ATP6V1B1: variants seen among roughly 807,000 people sequenced by gnomAD.
The protein encoded by ATP6V1B1 is ATPase H+ transporting V1 subunit B1.
Under a neutral mutation model 62.1 loss-of-function variants are expected in ATP6V1B1, and 41 were observed. The observed-to-expected ratio is 0.66, with a 90% CI of 0.51 to 0.86. The LOEUF (loss-of-function observed/expected upper bound fraction) is 0.86. Ranked by LOEUF, ATP6V1B1 falls within the 40% of genes least tolerant of loss-of-function variation. The pLI is 0.00. For missense variants in ATP6V1B1, 651 were observed against 697.5 expected, an observed-to-expected ratio of 0.93 and a Z score of 0.75; for synonymous variants, 253 against 273.4, an observed-to-expected ratio of 0.93 and a Z score of 0.74.
rs1309432305 is a variant in ATP6V1B1 at position 70,941,904 on chromosome 2, C to G, written c.119-1754C>G. On this transcript the variant is annotated intron_variant, in intron 1 of 13. Coordinates refer to ENST00000234396, the MANE Select transcript of ATP6V1B1 (RefSeq NM_001692.4). ...GCACCCAGGCTCTGAGTGTAGCCATCGGAGGCCACTGAAGCCAGAGTGGAG... is the reference window on the plus strand; with the variant it reads ...GCACCCAGGCTCTGAGTGTAGCCATGGGAGGCCACTGAAGCCAGAGTGGAG... 3.0e-6 allele frequency: 3 copies of G among 988,236 alleles called. No homozygotes were observed. The African/African-American group carries it at 5.2e-5, about 17-fold the overall frequency. The allele number at this position is 988,236 out of a possible 1,614,324, so 61.2% of individuals were successfully genotyped here.
chr2:70,940,678 T>C lies in ATP6V1B1; in HGVS notation c.119-2980T>C. ...CAGCCCCTTAGCCCAGTACATCCTCTTTCTCTTCTACTCTCTGCCTTCTCA... is the reference window on the plus strand; with the variant it reads ...CAGCCCCTTAGCCCAGTACATCCTCCTTCTCTTCTACTCTCTGCCTTCTCA... On this transcript the variant is annotated intron_variant, in intron 1 of 13. Coordinates refer to ENST00000234396, the MANE Select transcript of ATP6V1B1 (RefSeq NM_001692.4). 4.1e-6 allele frequency: 4 copies of C among 985,412 alleles called. No individual in the cohort carries two copies. The South Asian group carries it at 1.9e-4, about 46-fold the overall frequency. 61.0% of individuals were successfully genotyped at this position (985,412 alleles called of 1,614,324 possible).
At chr2:70,939,397 T>G (rs1332348208) in intron 1 of ATP6V1B1, 2 of 152,390 alleles carry the variant, frequency 1.3e-5, no homozygotes, top group Non-Finnish European at 2.9e-5. Flanking sequence ...CCTGTGGCAA[T>G]GCACCCGCTT....
chr2:70,964,429 C>T lies in ATP6V1B1; in HGVS notation c.1144-9C>T, dbSNP rs1680666858. On this transcript the variant is annotated splice_polypyrimidine_tract_variant and intron_variant, in intron 11 of 13. Transcript: ENST00000234396. Reference sequence around the variant, plus strand: ...TGCTGTCCACCACTCCCTTTTTCTTCTCCCTCAGATCTACCCCCCCATCAA... The same window carrying T: ...TGCTGTCCACCACTCCCTTTTTCTTTTCCCTCAGATCTACCCCCCCATCAA... The T allele has an allele frequency of 6.2e-7, 1 of 1,613,718 alleles. No homozygotes were observed. The highest frequency in any genetic ancestry group is 8.5e-7 in the Non-Finnish European group (1 of 1,179,822).
chr2:70,935,921 C>T lies in ATP6V1B1; in HGVS notation c.-34C>T, dbSNP rs79652147. ...TCTCAGAGCTGCCACCAGCAGCAGGCTCAGACACTGGGCTCCCAGCTGGGG... is the reference window on the plus strand; with the variant it reads ...TCTCAGAGCTGCCACCAGCAGCAGGTTCAGACACTGGGCTCCCAGCTGGGG... On this transcript the variant is annotated 5_prime_UTR_variant, in exon 1 of 14. Transcript: ENST00000234396. 164,244 of 1,587,016 alleles carry T rather than the reference C, an allele frequency of 0.1. 10,033 individuals carry two copies. The highest frequency in any genetic ancestry group is 0.2 in the South Asian group (18,128 of 89,444).
At chr2:70,938,078 AC>A (rs1679901404) in intron 1 of ATP6V1B1, among the ~76,000 whole-genome samples, 1 of 152,118 alleles carries the variant, frequency 6.6e-6, no homozygotes, top group Admixed American at 6.5e-5. Flanking sequence ...CAGCGCCTTT[AC>A]TTTTGCTGCC....
At position 70,963,288 on chromosome 2, in the gene ATP6V1B1, C is replaced by T. The variant is rs782748637; in HGVS notation, c.1036C>T (p.Pro346Ser). 2 of 1,613,434 alleles carry T rather than the reference C, an allele frequency of 1.2e-6. No homozygotes were observed. The highest frequency in any genetic ancestry group is 1.7e-6 in the Non-Finnish European group (2 of 1,180,004). ...EGRGGSITQI[P>S]ILTMPNDDIT... ...TCGGGGAGGATCCATCACACAGATCCCCATCCTCACCATGCCCAACGACGG... is the reference window on the plus strand; with the variant it reads ...TCGGGGAGGATCCATCACACAGATCTCCATCCTCACCATGCCCAACGACGG... The change falls in exon 10 of 14, where the codon CCC becomes TCC. Residue 346 changes from proline to serine, a missense_variant. Physicochemically the swap from Pro to Ser is moderately conservative, Grantham distance 74. Coordinates refer to ENST00000234396, the MANE Select transcript of ATP6V1B1 (RefSeq NM_001692.4). This position sits in a 1 kb window ranked among gnomAD's most constrained non-coding sequence, Gnocchi z 4.3.
chr2:70,943,510 G>C, intron 1 of ATP6V1B1, 148 bp from the exon 2 acceptor site: 1 of 827,872 alleles, frequency 1.2e-6, no homozygotes, highest in East Asian at 2.7e-5. Context: ...AGCAATGGTG[G>C]CTGGCCCTGT....
At chr2:70,944,910 G>A (rs1257915985) in intron 2 of ATP6V1B1, among the ~76,000 whole-genome samples, 6 of 152,062 alleles carry the variant, frequency 3.9e-5, no homozygotes, top group South Asian at 2.1e-4. Context: ...CTGGTGATCC[G>A]CCCGCCTCGG....
intron 2 of ATP6V1B1, among the ~76,000 whole-genome samples, chr2:70,952,218 T>C (rs1680337365): frequency 6.6e-6 from 1 of 152,074 alleles, no homozygotes; most frequent in African/African-American, 2.4e-5. Flanking sequence ...TCCCAGCACT[T>C]TGGGAGACCA....
intron 1 of ATP6V1B1, chr2:70,942,309 T>C: frequency 2.5e-6 from 1 of 398,810 alleles, no homozygotes. Flanking sequence ...AAAGTGCAAG[T>C]TGAACTTATC....
At chr2:70,956,430 A>C (rs1412856068) in intron 2 of ATP6V1B1, among the ~76,000 whole-genome samples, 1 of 152,126 alleles carries the variant, frequency 6.6e-6, no homozygotes, top group African/African-American at 2.4e-5. Context: ...TATTGTATGA[A>C]TACATCATAT....
At chr2:70,950,819 G>A (rs1203348291) in intron 2 of ATP6V1B1, among the ~76,000 whole-genome samples, 1 of 150,848 alleles carries the variant, frequency 6.6e-6, no homozygotes, top group Non-Finnish European at 1.5e-5. Flanking sequence ...ATAAAAATTT[G>A]CAAAGATAAA....
At chr2:70,941,925 T>C (rs1358298887) in intron 1 of ATP6V1B1, 8 of 990,714 alleles carry the variant, frequency 8.1e-6, no homozygotes, top group Non-Finnish European at 8.4e-6. Flanking sequence ...GAAGCCAGAG[T>C]GGAGAAGGCC....
chr2:70,948,904 G>A (rs1680254612), intron 2 of ATP6V1B1, among the ~76,000 whole-genome samples: 1 of 152,160 alleles, frequency 6.6e-6, no homozygotes, highest in Non-Finnish European at 1.5e-5. Context: ...ACACCTTGCT[G>A]GGGAATTGGA....
chr2:70,946,481 CAGA>C (rs1680177575), intron 2 of ATP6V1B1, among the ~76,000 whole-genome samples: 1 of 152,220 alleles, frequency 6.6e-6, no homozygotes, highest in South Asian at 2.1e-4. Context: ...CTGACAGAAT[CAGA>C]AGCTCTGGGG....
At chr2:70,948,008 GCACA>G (rs1680227653) in intron 2 of ATP6V1B1, among the ~76,000 whole-genome samples, 2 of 152,228 alleles carry the variant, frequency 1.3e-5, no homozygotes, top group Admixed American at 1.3e-4. Context: ...CGAACATCCA[GCACA>G]CACTTAGAGC....
chr2:70,936,854 C>T (rs1679865405), intron 1 of ATP6V1B1, among the ~76,000 whole-genome samples: 1 of 151,998 alleles, frequency 6.6e-6, no homozygotes, highest in Non-Finnish European at 1.5e-5. Context: ...GAAGTGTCTA[C>T]AGGTGCTGGG....
intron 1 of ATP6V1B1, chr2:70,938,824 A>G: frequency 1.0e-6 from 1 of 982,474 alleles, no homozygotes; most frequent in Non-Finnish European, 1.2e-6. Context: ...AGCAAAGGTC[A>G]GGAAGGACAA....
At chr2:70,943,458 T>C in intron 1 of ATP6V1B1, 200 bp from the exon 2 acceptor site, 1 of 695,062 alleles carries the variant, frequency 1.4e-6, no homozygotes, top group Non-Finnish European at 2.6e-6. Context: ...CCTGCAGGTG[T>C]CCGAGCAGCA....
Sources: gnomAD v4.1 joint callset for allele counts (sites outside exome capture counted in the v4.1 genomes callset) on GRCh38, gnomAD v4.1.1 for gene constraint, Gnocchi (gnomAD v3.1) non-coding constraint, MANE v1.5 for transcripts, NCBI Gene and HGNC (gene_info 2026-07-23, HGNC 2026-07-21) for gene names.